PPP2R3B: variants seen among roughly 807,000 people sequenced by gnomAD.
PPP2R3B encodes the protein serine/threonine-protein phosphatase 2A regulatory subunit B'' subunit beta.
In PPP2R3B, 68 loss-of-function variants were observed where a neutral mutation model predicts 72.9. That is an observed-to-expected ratio of 0.93 (90% CI 0.77 to 1.14). The LOEUF (loss-of-function observed/expected upper bound fraction) is 1.14, where lower values mean the gene tolerates loss of function less well. Ranked by LOEUF, PPP2R3B falls within the 50% of genes most tolerant of loss-of-function variation. PPP2R3B has a pLI of 0.00. For missense variants in PPP2R3B, 1,018 were observed against 842.0 expected, an observed-to-expected ratio of 1.21 and a Z score of -2.59; for synonymous variants, 466 against 375.8, an observed-to-expected ratio of 1.24 and a Z score of -2.78.
chrX:338,423 C>T (rs2070948657), intron 12 of PPP2R3B, 181 bp downstream of exon 12: 1 of 653,502 alleles, frequency 1.5e-6, no homozygotes, highest in Non-Finnish European at 2.7e-6. Context: ...CTGTCATCGG[C>T]TGTCCTTACC....
At chrX:373,680 C>G (rs1418024998) in intron 1 of PPP2R3B, 1 of 177,708 alleles carries the variant, frequency 5.6e-6, no homozygotes, top group East Asian at 1.7e-4. Context: ...CAGGGCTCTC[C>G]GCGGGCCGGG....
At chrX:367,201 G>A (rs190565315) in intron 1 of PPP2R3B, among the ~76,000 whole-genome samples, 26 of 152,186 alleles carry the variant, frequency 1.7e-4, no homozygotes, top group African/African-American at 2.2e-4. Flanking sequence ...GCAGGTCAGC[G>A]GTAATGAGTG....
intron 2 of PPP2R3B, among the ~76,000 whole-genome samples, chrX:349,393 G>A (rs983645778): frequency 2.0e-5 from 3 of 152,106 alleles, no homozygotes; most frequent in Non-Finnish European, 4.4e-5. Context: ...CAGCCTGAAT[G>A]CTCAGACAAA....
intron 12 of PPP2R3B, chrX:337,732 AGACG>A (rs1469735545): frequency 2.0e-5 from 3 of 152,434 alleles, no homozygotes; most frequent in Admixed American, 1.3e-4. Context: ...GGGAACGGAC[AGACG>A]CGTGCAGCAG....
At chrX:334,542 G>C (rs770469103) in intron 12 of PPP2R3B, 25 bp from the exon 13 acceptor site, 1 of 1,511,746 alleles carries the variant, frequency 6.6e-7, no homozygotes. Context: ...TGGCGAAGAC[G>C]TGGCCAGCAG....
chrX:384,722 C>T (rs1192575838), intron 1 of PPP2R3B, among the ~76,000 whole-genome samples: 6 of 151,988 alleles, frequency 3.9e-5, no homozygotes, highest in Non-Finnish European at 2.9e-5. Context: ...TGGTGGCTCA[C>T]GCCTGTCATC....
intron 12 of PPP2R3B, chrX:334,824 C>A: frequency 2.9e-6 from 1 of 341,454 alleles, no homozygotes; most frequent in South Asian, 9.6e-5. Flanking sequence ...CTGCACGGGA[C>A]CTGTGTTTAC....
At chrX:378,780 G>A (rs2072053651) in intron 1 of PPP2R3B, among the ~76,000 whole-genome samples, 1 of 152,112 alleles carries the variant, frequency 6.6e-6, no homozygotes, top group Non-Finnish European at 1.5e-5. Context: ...TCCTCACAAC[G>A]AGACTCTCAT....
chrX:376,489 C>T (rs1486332884), intron 1 of PPP2R3B, among the ~76,000 whole-genome samples: 6 of 151,850 alleles, frequency 4.0e-5, no homozygotes, highest in African/African-American at 7.3e-5. Flanking sequence ...ACAGTGGGGC[C>T]GCCATGGGGC....
At chrX:344,234 G>T (rs1218538033) in intron 7 of PPP2R3B, among the ~76,000 whole-genome samples, 1 of 112,208 alleles carries the variant, frequency 8.9e-6, no homozygotes, top group African/African-American at 2.9e-5. Flanking sequence ...CTCACCAACG[G>T]GAGGCCGGAG....
chrX:372,778 T>G (rs1345649037), intron 1 of PPP2R3B, among the ~76,000 whole-genome samples: 1 of 152,058 alleles, frequency 6.6e-6, no homozygotes, highest in Admixed American at 6.6e-5. Context: ...GCCAACATGG[T>G]GAAACCCCGT....
chrX:360,121 A>C (rs1569400315), intron 2 of PPP2R3B, among the ~76,000 whole-genome samples: 1 of 152,242 alleles, frequency 6.6e-6, no homozygotes, highest in Non-Finnish European at 1.5e-5. Context: ...AATTATTGGA[A>C]TCCAGCAACA....
chrX:363,394 G>C lies in PPP2R3B; in HGVS notation c.325-1804C>G. Among the ~76,000 whole-genome samples the C allele has an allele frequency of 1.4e-5, 2 of 144,186 alleles. 1 individual carries two copies. The highest frequency in any genetic ancestry group is 9.3e-3 in the Middle Eastern group (2 of 216). The allele number at this position is 144,186 out of a possible 152,430, so 94.6% of individuals were successfully genotyped here. A position where few individuals can be genotyped will look rare whatever the true frequency, so the allele number is the denominator to read the frequency against. The stretch of plus-strand genomic sequence containing the variant: ...CCACCATCCCACAGTGCATCTCCCC[G>C]AGCCCGCAATCCCACAGTGCATCTC... On this transcript the variant is annotated intron_variant, in intron 1 of 12. Coordinates refer to ENST00000390665, the MANE Select transcript of PPP2R3B (RefSeq NM_013239.5).
chrX:334,462 G>C lies in PPP2R3B; in HGVS notation c.1633C>G (p.Leu545Val), dbSNP rs756405102. 5.6e-6 allele frequency: 9 copies of C among 1,594,920 alleles called. No homozygotes were observed. In the African/African-American group the frequency reaches 1.1e-4, roughly 19 times the overall value. ...GCCTCGAAGAAGGGCCTCTGGGCCA[G>C]CGGGGAGCGCAGCGCACTCAGCTTC... ...EQKLSALRSP[L>V]AQRPFFEAPS... The change falls in exon 13 of 13, where the codon CTG becomes GTG. Residue 545 changes from leucine (L) to valine (V), a missense_variant. Coordinates refer to ENST00000390665, the MANE Select transcript of PPP2R3B (RefSeq NM_013239.5).
At position 340,973 on chromosome X, in the gene PPP2R3B, C is replaced by T. The variant is rs750694398; in HGVS notation, c.1176-33G>A. On this transcript the variant is annotated intron_variant, in intron 9 of 12. Coordinates refer to ENST00000390665, the MANE Select transcript of PPP2R3B (RefSeq NM_013239.5). ...ACGGCGAGCTCTGTCAGCCCCTGCC[C>T]TGGGCCCTCCCAGCCCGTGACCTGC... 3.4e-5 allele frequency: 55 copies of T among 1,600,366 alleles called. No individual in the cohort carries two copies. The South Asian group carries it at 5.6e-4, about 16-fold the overall frequency.
At chrX:346,855 G>A (rs1277600549) in intron 4 of PPP2R3B, 80 bp from the exon 5 acceptor site, 34 of 1,322,332 alleles carry the variant, frequency 2.6e-5, no homozygotes, top group South Asian at 8.7e-5. Flanking sequence ...CTGCAGACGC[G>A]GACCCTCCCG....
At chrX:364,521 C>CAA (rs1177610760) in intron 1 of PPP2R3B, among the ~76,000 whole-genome samples, 1,067 of 86,880 alleles carry the variant, frequency 0.012, 14 homozygotes, top group African/African-American at 0.044. Context: ...AAAAAAAAAA[C>CAA]AAAAAAAAAA....
intron 1 of PPP2R3B, among the ~76,000 whole-genome samples, chrX:375,660 A>G (rs1469331294): frequency 1.3e-5 from 2 of 152,258 alleles, no homozygotes; most frequent in African/African-American, 4.8e-5. Context: ...AGCACTACAC[A>G]CGGACGGCCT....
intron 1 of PPP2R3B, among the ~76,000 whole-genome samples, chrX:369,991 C>G (rs1458729494): frequency 2.6e-5 from 4 of 152,318 alleles, no homozygotes; most frequent in Non-Finnish European, 5.9e-5. Flanking sequence ...CGGCCACCCC[C>G]TGGAAGGCAG....
Sources: allele counts gnomAD v4.1 joint callset (sites outside exome capture counted in the v4.1 genomes callset), GRCh38; gene constraint gnomAD v4.1.1; transcripts MANE v1.5; gene names NCBI Gene and HGNC (gene_info 2026-07-23, HGNC 2026-07-21).